The following CDYL2 variants were observed in gnomAD, a reference collection of about 807,000 sequenced individuals.
CDYL2 encodes chromodomain Y like 2.
A neutral mutation model predicts 49.4 loss-of-function variants in CDYL2; 23 were observed. That is an observed-to-expected ratio of 0.47 (90% CI 0.34 to 0.66). The LOEUF (loss-of-function observed/expected upper bound fraction) is 0.66, where lower values mean the gene tolerates loss of function less well. CDYL2 is among the 30% of genes least tolerant of loss of function. The pLI is 0.01. For missense variants in CDYL2, 678 were observed against 656.4 expected (o/e 1.03, Z -0.36); for synonymous variants, 360 against 268.8 (o/e 1.34, Z -3.32).
intron 2 of CDYL2, among the ~76,000 whole-genome samples, chr16:80,646,142 T>A (rs1908334150): frequency 6.7e-6 from 1 of 149,286 alleles, no homozygotes; most frequent in Non-Finnish European, 1.5e-5. Flanking sequence ...AAAGTATAAT[T>A]AAAAAAAAAC....
intron 2 of CDYL2, among the ~76,000 whole-genome samples, chr16:80,637,297 A>T (rs184599957): frequency 1.3e-5 from 2 of 152,180 alleles, no homozygotes; most frequent in Non-Finnish European, 2.9e-5. Flanking sequence ...CCTACAGATA[A>T]TGTCTTACTT....
intron 3 of CDYL2, among the ~76,000 whole-genome samples, chr16:80,624,434 A>C (rs1003080232): frequency 6.6e-6 from 1 of 152,256 alleles, no homozygotes; most frequent in Non-Finnish European, 1.5e-5. Flanking sequence ...TAAAAAAATT[A>C]ACACAGAAAT....
chr16:80,652,750 A>G (rs1908638364), intron 2 of CDYL2, among the ~76,000 whole-genome samples: 1 of 152,132 alleles, frequency 6.6e-6, no homozygotes. Flanking sequence ...AATGGCACTT[A>G]CCCTCTGGGG....
At chr16:80,716,379 T>G (rs1295997643) in intron 1 of CDYL2, among the ~76,000 whole-genome samples, 1 of 152,180 alleles carries the variant, frequency 6.6e-6, no homozygotes, top group Non-Finnish European at 1.5e-5. Flanking sequence ...ACATACTGGA[T>G]GGCTGGGTAG....
intron 1 of CDYL2, among the ~76,000 whole-genome samples, chr16:80,785,686 G>A (rs1020030016): frequency 2.0e-5 from 3 of 152,154 alleles, no homozygotes; most frequent in African/African-American, 7.2e-5. Flanking sequence ...CAAAGCTGGA[G>A]GCATCATGCT....
chr16:80,687,554 A>ATGGC (rs576744278), intron 1 of CDYL2, among the ~76,000 whole-genome samples: 40 of 150,612 alleles, frequency 2.7e-4, no homozygotes, highest in African/African-American at 8.5e-4. Flanking sequence ...AGATGGATGG[A>ATGGC]TGGCTGGCTG....
At position 80,769,304 on chromosome 16, in the gene CDYL2, T is replaced by A. The variant is rs150643857; in HGVS notation, c.24+34846A>T. 4.3e-3 allele frequency among the ~76,000 whole-genome samples: 662 copies of A among 152,316 alleles called. 6 individuals carry two copies. The highest frequency in any genetic ancestry group is 0.015 in the African/African-American group (632 of 41,574). ...AAAAGGCTACAAGACTAGAAAACTA[T>A]TAGTAAAAGCATGAGTTAATGGAGG... On this transcript the variant is annotated intron_variant, in intron 1 of 6. Coordinates refer to ENST00000570137, the MANE Select transcript of CDYL2 (RefSeq NM_152342.4).
At chr16:80,719,031 G>A (rs573717820) in intron 1 of CDYL2, among the ~76,000 whole-genome samples, 3 of 152,212 alleles carry the variant, frequency 2.0e-5, no homozygotes, top group Non-Finnish European at 4.4e-5. Context: ...CGCTCCCAGA[G>A]AATTGGGCAG....
intron 1 of CDYL2, among the ~76,000 whole-genome samples, chr16:80,754,810 TA>T (rs1272820142): frequency 1.3e-5 from 2 of 152,114 alleles, no homozygotes; most frequent in African/African-American, 4.8e-5. Context: ...TCTTTCTTTC[TA>T]AAAAATTAAT....
intron 2 of CDYL2, among the ~76,000 whole-genome samples, chr16:80,655,505 G>A (rs1315939707): frequency 6.6e-6 from 1 of 152,178 alleles, no homozygotes; most frequent in Admixed American, 6.5e-5. Flanking sequence ...AGTGATGCAG[G>A]GAGGGGAGGT....
chr16:80,780,609 G>A (rs928176293), intron 1 of CDYL2, among the ~76,000 whole-genome samples: 1 of 151,900 alleles, frequency 6.6e-6, no homozygotes, highest in Non-Finnish European at 1.5e-5. Context: ...GTTTCACCGT[G>A]TTAGCCAGGA....
chr16:80,779,943 T>C (rs1907208939), intron 1 of CDYL2, among the ~76,000 whole-genome samples: 1 of 152,148 alleles, frequency 6.6e-6, no homozygotes, highest in African/African-American at 2.4e-5. Context: ...ATCTGGTTTT[T>C]AAAATATACT....
intron 1 of CDYL2, among the ~76,000 whole-genome samples, chr16:80,767,399 A>G (rs1906763035): frequency 6.6e-6 from 1 of 152,178 alleles, no homozygotes; most frequent in Admixed American, 6.5e-5. Flanking sequence ...TTCAGTTATT[A>G]CTTTTAATAG....
chr16:80,720,467 G>A (rs1166174536), intron 1 of CDYL2, among the ~76,000 whole-genome samples: 3 of 152,198 alleles, frequency 2.0e-5, no homozygotes, highest in African/African-American at 7.2e-5. Context: ...TGTCATCAGT[G>A]TCATTTGACT....
At chr16:80,673,039 C>T (rs948535726) in intron 2 of CDYL2, among the ~76,000 whole-genome samples, 1 of 152,128 alleles carries the variant, frequency 6.6e-6, no homozygotes, top group African/African-American at 2.4e-5. Context: ...CAAGGGAGGC[C>T]GGGCGTGGTG....
intron 2 of CDYL2, chr16:80,662,606 A>G (rs1333669804): frequency 2.5e-6 from 1 of 395,190 alleles, no homozygotes; most frequent in Non-Finnish European, 5.0e-6. Context: ...GCCTTCAAAG[A>G]GCTTACAGTC....
At chr16:80,645,195 A>C (rs1466456311) in intron 2 of CDYL2, among the ~76,000 whole-genome samples, 1 of 152,234 alleles carries the variant, frequency 6.6e-6, no homozygotes, top group Non-Finnish European at 1.5e-5. Flanking sequence ...CATCAGAGTG[A>C]ACAGGCCACC....
At chr16:80,734,251 G>A (rs1166658812) in intron 1 of CDYL2, among the ~76,000 whole-genome samples, 18 of 152,180 alleles carry the variant, frequency 1.2e-4, no homozygotes, top group African/African-American at 2.4e-5. Context: ...CTGGTTGGGG[G>A]CCGGGGAAAG....
chr16:80,753,707 A>G (rs1906214703), intron 1 of CDYL2, among the ~76,000 whole-genome samples: 1 of 152,238 alleles, frequency 6.6e-6, no homozygotes, highest in African/African-American at 2.4e-5. Flanking sequence ...AAGTGCCTTC[A>G]TGACCTTCAG....
Sources: allele counts gnomAD v4.1 joint callset (sites outside exome capture counted in the v4.1 genomes callset), GRCh38; gene constraint gnomAD v4.1.1; transcripts MANE v1.5; gene names NCBI Gene and HGNC (gene_info 2026-07-23, HGNC 2026-07-21).